Variants in TBC1D19 observed in about 807,000 individuals in gnomAD.
TBC1D19 encodes TBC1 domain family, member 19.
A neutral mutation model predicts 89.0 loss-of-function variants in TBC1D19; 60 were observed. The observed-to-expected ratio is 0.67, with a 90% CI of 0.55 to 0.84. The LOEUF (loss-of-function observed/expected upper bound fraction) is 0.84. Among genes scored for constraint, TBC1D19 ranks in the 40% least tolerant of loss-of-function variants. The pLI, the probability that TBC1D19 is intolerant of heterozygous loss-of-function variation, is 0.00. For synonymous variants in TBC1D19, 189 were observed against 199.7 expected, an observed-to-expected ratio of 0.95 and a Z score of 0.45; for missense variants, 500 against 610.8, an observed-to-expected ratio of 0.82 and a Z score of 1.91.
chr4:26,586,306 G>T (rs1739415387), intron 1 of TBC1D19, among the ~76,000 whole-genome samples: 2 of 151,232 alleles, frequency 1.3e-5, no homozygotes, highest in Admixed American at 1.3e-4. Flanking sequence ...AAAATTTCTG[G>T]CTCTCTATTT....
At chr4:26,854,526 A>G in the TBC1D19 span, among the ~76,000 whole-genome samples, 1 of 152,176 alleles carries the variant, frequency 6.6e-6, no homozygotes, top group African/African-American at 2.4e-5. Flanking sequence ...TACTATTACT[A>G]TCCAGGAACT....
At chr4:26,607,286 C>G (rs1741073836) in intron 1 of TBC1D19, among the ~76,000 whole-genome samples, 1 of 152,188 alleles carries the variant, frequency 6.6e-6, no homozygotes, top group Admixed American at 6.5e-5. Flanking sequence ...GCCGCTACTT[C>G]TAGCCCCCCT....
chr4:26,728,992 G>T (rs575772320), intron 15 of TBC1D19, among the ~76,000 whole-genome samples: 105 of 152,324 alleles, frequency 6.9e-4, no homozygotes, highest in African/African-American at 2.5e-3. Flanking sequence ...TTCAGCCTCG[G>T]CGACAGAGCG....
intron 16 of TBC1D19, among the ~76,000 whole-genome samples, chr4:26,737,305 A>G (rs1718107224): frequency 6.6e-6 from 1 of 152,180 alleles, no homozygotes; most frequent in African/African-American, 2.4e-5. Flanking sequence ...TATCTTATAT[A>G]TGTGAAGAAT....
chr4:26,576,775 T>C (rs1238678258), exon 1 of TBC1D19: 3 of 456,004 alleles, frequency 6.6e-6, no homozygotes, highest in African/African-American at 6.0e-5. Flanking sequence ...GGGGCCACAG[T>C]AAAATAAGAC....
Position 26,754,979 on chromosome 4 carries a change from T to G in TBC1D19, c.*32T>G, listed in dbSNP as rs531574977. 1 of 1,572,244 alleles carries G rather than the reference T, an allele frequency of 6.4e-7. No individual in the cohort carries two copies. The highest frequency in any genetic ancestry group is 1.4e-5 in the African/African-American group (1 of 72,682). ...TCACAGTCACTGGCAACACATCTAG[T>G]TTTTCATTAGAAACAAATCATGAAC... On this transcript the variant is annotated 3_prime_UTR_variant, in exon 21 of 21. Coordinates refer to ENST00000264866, the MANE Select transcript of TBC1D19 (RefSeq NM_018317.4).
chr4:26,717,897 G>A, intron 13 of TBC1D19, 36 bp from the exon 14 acceptor site: 1 of 1,517,138 alleles, frequency 6.6e-7, no homozygotes, highest in Non-Finnish European at 9.1e-7. Context: ...TTATAATAGT[G>A]CTTAATTGCT....
the TBC1D19 span, among the ~76,000 whole-genome samples, chr4:26,791,851 G>A: frequency 6.6e-6 from 1 of 152,200 alleles, no homozygotes; most frequent in Non-Finnish European, 1.5e-5. Flanking sequence ...CATCCAAGTG[G>A]GGATGTCAGG....
the TBC1D19 span, among the ~76,000 whole-genome samples, chr4:26,842,644 C>CTT: frequency 2.0e-5 from 2 of 99,190 alleles, no homozygotes; most frequent in African/African-American, 3.8e-5. Context: ...TTCTTTCTTT[C>CTT]TTTTTCTTTC....
At chr4:26,672,302 A>T (rs1181076634) in intron 10 of TBC1D19, 115 bp downstream of exon 10, 1 of 821,874 alleles carries the variant, frequency 1.2e-6, no homozygotes, top group Non-Finnish European at 1.7e-6. Flanking sequence ...AAAAACCTAA[A>T]GAGGGGTAAT....
chr4:26,675,592 T>C (rs1712736394), intron 11 of TBC1D19, among the ~76,000 whole-genome samples: 1 of 152,108 alleles, frequency 6.6e-6, no homozygotes, highest in South Asian at 2.1e-4. Context: ...GTGACCCCAA[T>C]GAACTATAGC....
chr4:26,815,906 A>T, the TBC1D19 span, among the ~76,000 whole-genome samples: 1 of 151,994 alleles, frequency 6.6e-6, no homozygotes, highest in Admixed American at 6.6e-5. Flanking sequence ...GTTCAGGAAC[A>T]CTCCTGCCTT....
chr4:26,675,245 G>T (rs1712698141), intron 11 of TBC1D19, among the ~76,000 whole-genome samples: 1 of 152,008 alleles, frequency 6.6e-6, no homozygotes, highest in African/African-American at 2.4e-5. Context: ...CTTCGCAGAA[G>T]AATCACTGCG....
intron 4 of TBC1D19, among the ~76,000 whole-genome samples, chr4:26,624,318 G>A (rs1358011062): frequency 1.3e-5 from 2 of 152,082 alleles, no homozygotes; most frequent in African/African-American, 4.8e-5. Context: ...CTGTTGAATA[G>A]CTCCCTGTTG....
intron 13 of TBC1D19, among the ~76,000 whole-genome samples, chr4:26,704,918 G>A (rs952380818): frequency 5.3e-5 from 8 of 151,940 alleles, no homozygotes; most frequent in South Asian, 2.1e-4. Context: ...CCACATCATC[G>A]CCAACATGTT....
chr4:26,804,675 C>T, the TBC1D19 span, among the ~76,000 whole-genome samples: 3 of 152,098 alleles, frequency 2.0e-5, no homozygotes, highest in Non-Finnish European at 2.9e-5. Flanking sequence ...GCGGGAGCAG[C>T]CGCGGAGGCG....
At chr4:26,794,944 T>C in the TBC1D19 span, among the ~76,000 whole-genome samples, 115 of 152,338 alleles carry the variant, frequency 7.5e-4, 1 homozygote, top group South Asian at 0.022. Flanking sequence ...GATTACTGTG[T>C]TGGGCTCCTG....
intron 6 of TBC1D19, 65 bp from the exon 7 acceptor site, chr4:26,640,076 C>G: frequency 8.9e-7 from 1 of 1,125,452 alleles, no homozygotes; most frequent in Non-Finnish European, 1.3e-6. Context: ...GAATGATTAA[C>G]ATTTATTTAA....
chr4:26,804,088 GAAAC>G, the TBC1D19 span, among the ~76,000 whole-genome samples: 2 of 145,606 alleles, frequency 1.4e-5, no homozygotes, highest in Non-Finnish European at 3.0e-5. Flanking sequence ...AACAGAAACA[GAAAC>G]AAAAAAAAAA....
Sources: allele counts gnomAD v4.1 joint callset (sites outside exome capture counted in the v4.1 genomes callset), GRCh38; gene constraint gnomAD v4.1.1; transcripts MANE v1.5; gene names NCBI Gene and HGNC (gene_info 2026-07-23, HGNC 2026-07-21).